Variants in BLTP1 observed in about 807,000 individuals in gnomAD.
BLTP1 encodes the protein bridge-like lipid transfer protein family member 1.
the BLTP1 span, chr4:122,206,216 T>C: frequency 4.2e-4 from 99 of 235,180 alleles, no homozygotes; most frequent in Middle Eastern, 2.1e-3. Flanking sequence ...TGAGACACAG[T>C]AGACAGTAGA....
At chr4:122,272,304 T>C in the BLTP1 span, 18 of 1,613,230 alleles carry the variant, frequency 1.1e-5, no homozygotes, top group Non-Finnish European at 1.5e-5. Context: ...GGGATTGGCA[T>C]GGTGAACCGC....
At chr4:122,236,983 T>C in the BLTP1 span, 1 of 985,220 alleles carries the variant, frequency 1.0e-6, no homozygotes, top group Non-Finnish European at 1.2e-6. Context: ...GAATTAAGGA[T>C]CTATTTGGAA....
the BLTP1 span, chr4:122,290,965 CAA>C: frequency 1.2e-4 from 108 of 873,134 alleles, no homozygotes; most frequent in East Asian, 0.011. Flanking sequence ...GTAAAAAAAA[CAA>C]GTGTTGTGGA....
chr4:122,307,681 C>T, the BLTP1 span: 30 of 985,022 alleles, frequency 3.0e-5, no homozygotes, highest in Non-Finnish European at 3.6e-5. Context: ...AGGCATTTCA[C>T]AAATAAGTTA....
At chr4:122,175,947 T>A in the BLTP1 span, 1 of 1,007,008 alleles carries the variant, frequency 9.9e-7, no homozygotes, top group Non-Finnish European at 1.6e-6. Flanking sequence ...TTTAAAATGT[T>A]CAATCATATA....
chr4:122,222,519 G>C, the BLTP1 span, among the ~76,000 whole-genome samples: 927 of 152,286 alleles, frequency 6.1e-3, 10 homozygotes, highest in African/African-American at 0.022. Flanking sequence ...TTCTCTCACA[G>C]TTCTGGAGGT....
At chr4:122,228,798 A>T in the BLTP1 span, among the ~76,000 whole-genome samples, 2 of 152,126 alleles carry the variant, frequency 1.3e-5, no homozygotes, top group Non-Finnish European at 2.9e-5. Flanking sequence ...AACCTGTGGC[A>T]CTGTTTTACT....
chr4:122,319,258 A>G, the BLTP1 span, among the ~76,000 whole-genome samples: 1 of 151,646 alleles, frequency 6.6e-6, no homozygotes, highest in African/African-American at 2.4e-5. Context: ...CTTATGCTTA[A>G]TTTGGATTTA....
the BLTP1 span, chr4:122,184,827 C>T: frequency 1.0e-6 from 1 of 985,250 alleles, no homozygotes; most frequent in Non-Finnish European, 1.2e-6. Flanking sequence ...TATGACAAAA[C>T]TTAGCCTTTG....
chr4:122,209,368 G>A, the BLTP1 span: 1 of 1,603,188 alleles, frequency 6.2e-7, no homozygotes, highest in Non-Finnish European at 8.5e-7. Flanking sequence ...ACACAGGCCA[G>A]GCACAGTGGC....
the BLTP1 span, chr4:122,185,930 A>G: frequency 3.3e-6 from 3 of 915,896 alleles, no homozygotes; most frequent in Non-Finnish European, 3.0e-6. Flanking sequence ...ATGGAATTCT[A>G]TTTTAAAATA....
At chr4:122,213,274 C>T in the BLTP1 span, among the ~76,000 whole-genome samples, 1 of 152,206 alleles carries the variant, frequency 6.6e-6, no homozygotes, top group Non-Finnish European at 1.5e-5. Context: ...TCTTCCTGGC[C>T]TCAAGTGATC....
the BLTP1 span, among the ~76,000 whole-genome samples, chr4:122,217,146 G>A: frequency 1.9e-4 from 29 of 152,036 alleles, no homozygotes; most frequent in African/African-American, 6.7e-4. Flanking sequence ...ATGATCAGTT[G>A]GCTGCAAGTA....
the BLTP1 span, chr4:122,347,899 C>CAAA: frequency 1.0e-4 from 42 of 402,556 alleles, no homozygotes; most frequent in South Asian, 1.5e-4. Flanking sequence ...TATGACACGT[C>CAAA]AAAAAAAAAA....
chr4:122,237,280 T>C, the BLTP1 span: 1 of 985,368 alleles, frequency 1.0e-6, no homozygotes, highest in Non-Finnish European at 1.2e-6. Flanking sequence ...AGAATTCTCT[T>C]TTTATTTCCC....
chr4:122,248,957 A>G, the BLTP1 span: 3 of 381,678 alleles, frequency 7.9e-6, no homozygotes, highest in South Asian at 1.1e-4. Flanking sequence ...AAAAAGTAAG[A>G]TAAAGTAAAA....
the BLTP1 span, chr4:122,209,341 A>C: frequency 1.2e-6 from 2 of 1,610,360 alleles, no homozygotes; most frequent in Non-Finnish European, 1.7e-6. Context: ...AGGAAAAGTG[A>C]GTACGTAAAA....
chr4:122,360,768 A>G, the BLTP1 span, among the ~76,000 whole-genome samples: 1 of 152,198 alleles, frequency 6.6e-6, no homozygotes, highest in East Asian at 1.9e-4. Context: ...CAGAGGTCCT[A>G]ATGCAGAAAA....
the BLTP1 span, chr4:122,246,569 C>A: frequency 7.8e-7 from 1 of 1,273,970 alleles, no homozygotes; most frequent in Non-Finnish European, 1.1e-6. Context: ...TTTGTCTTCA[C>A]TGTCAAATAC....
Sources: gnomAD v4.1 joint callset for allele counts (sites outside exome capture counted in the v4.1 genomes callset) on GRCh38, gnomAD v4.1.1 for gene constraint, MANE v1.5 for transcripts, NCBI Gene and HGNC (gene_info 2026-07-23, HGNC 2026-07-21) for gene names.